The following CDH18 variants were observed in gnomAD, a reference collection of about 807,000 sequenced individuals.
CDH18 encodes cadherin 18, also known as cadherin-18.
A neutral mutation model predicts 67.9 loss-of-function variants in CDH18; 31 were observed. The observed-to-expected ratio is 0.46, with a 90% CI of 0.34 to 0.62. CDH18 has a LOEUF of 0.62. CDH18 is among the 20% of genes least tolerant of loss of function. The probability of loss-of-function intolerance (pLI) is 0.01; values close to 1 mark genes in which losing one functional copy is unlikely to be tolerated. For missense variants in CDH18, 890 were observed against 975.5 expected, an observed-to-expected ratio of 0.91 and a Z score of 1.17; for synonymous variants, 362 against 347.2, an observed-to-expected ratio of 1.04 and a Z score of -0.48.
intron 2 of CDH18, among the ~76,000 whole-genome samples, chr5:19,971,848 TAA>T (rs751140217): frequency 1.9e-5 from 2 of 107,978 alleles, no homozygotes; most frequent in Non-Finnish European, 4.0e-5. Context: ...ACTTAAACGT[TAA>T]AAAAAAAAAG....
Position 19,473,815 on chromosome 5 carries a change from A to T in CDH18, c.1883-99T>A, listed in dbSNP as rs116042060. The T allele has an allele frequency of 2.4e-3, 2,325 of 988,428 alleles. 39 individuals are homozygous for T. The African/African-American group carries it at 0.033, about 14-fold the overall frequency. 61.2% of individuals were successfully genotyped at this position (988,428 alleles called of 1,614,324 possible). ...TTTCCCATTTTCCCATTCGTCATTA[A>T]CCACATTCCAGAGTTAGGCTGGCAT... On this transcript the variant is annotated intron_variant, in intron 12 of 12. Transcript: ENST00000382275.
chr5:20,207,851 T>C (rs1271193039), intron 2 of CDH18, among the ~76,000 whole-genome samples: 2 of 152,058 alleles, frequency 1.3e-5, no homozygotes, highest in African/African-American at 4.8e-5. Context: ...AGACCCTGAA[T>C]AGTCAAAGCA....
chr5:19,495,742 AG>A (rs58251869), intron 11 of CDH18, among the ~76,000 whole-genome samples: 7,095 of 130,124 alleles, frequency 0.055, 247 homozygotes, highest in African/African-American at 0.081. Context: ...AAAAAAAAAA[AG>A]AAAGAAAGAA....
chr5:20,112,743 G>A (rs1485043291), intron 2 of CDH18, among the ~76,000 whole-genome samples: 2 of 152,042 alleles, frequency 1.3e-5, no homozygotes, highest in African/African-American at 4.8e-5. Context: ...TAAAATAAAA[G>A]TCATTCTCCA....
At chr5:19,717,792 A>G (rs1581034988) in intron 5 of CDH18, among the ~76,000 whole-genome samples, 1 of 152,016 alleles carries the variant, frequency 6.6e-6, no homozygotes, top group East Asian at 1.9e-4. Context: ...TTTCTTTAAT[A>G]ACTGTAAAAA....
chr5:20,352,203 T>C (rs1741237521), intron 1 of CDH18, among the ~76,000 whole-genome samples: 1 of 152,194 alleles, frequency 6.6e-6, no homozygotes, highest in Non-Finnish European at 1.5e-5. Context: ...CCTTTCTTCT[T>C]GCTTGTCTTC....
chr5:19,685,575 G>A (rs1760973960), intron 5 of CDH18, among the ~76,000 whole-genome samples: 1 of 152,090 alleles, frequency 6.6e-6, no homozygotes, highest in African/African-American at 2.4e-5. Flanking sequence ...CCATCTCTTT[G>A]TGCTTTGGGT....
intron 2 of CDH18, among the ~76,000 whole-genome samples, chr5:19,966,030 T>C (rs981837445): frequency 2.5e-4 from 38 of 152,142 alleles, no homozygotes; most frequent in Non-Finnish European, 3.5e-4. Context: ...AAAAAGGCTT[T>C]CAGGAGAGAA....
At chr5:19,489,393 G>A (rs942645084) in intron 11 of CDH18, among the ~76,000 whole-genome samples, 2 of 151,416 alleles carry the variant, frequency 1.3e-5, no homozygotes, top group African/African-American at 4.9e-5. Context: ...GACTACAGGC[G>A]CCCGCCACCA....
intron 5 of CDH18, among the ~76,000 whole-genome samples, chr5:19,696,039 T>A (rs1015384649): frequency 6.6e-6 from 1 of 151,844 alleles, no homozygotes; most frequent in African/African-American, 2.4e-5. Context: ...GGTAATTTTT[T>A]AAAAAACTTT....
intron 2 of CDH18, among the ~76,000 whole-genome samples, chr5:19,854,135 T>C (rs1205864374): frequency 6.6e-6 from 1 of 152,060 alleles, no homozygotes; most frequent in Non-Finnish European, 1.5e-5. Context: ...TAGGATAATT[T>C]TGGAAGGGCT....
intron 2 of CDH18, among the ~76,000 whole-genome samples, chr5:19,854,877 C>T (rs1784092547): frequency 6.6e-6 from 1 of 150,632 alleles, no homozygotes; most frequent in Admixed American, 6.7e-5. Context: ...TTATCCCCCT[C>T]CCCCCACTAT....
At position 19,472,917 on chromosome 5, in the gene CDH18, G is replaced by A; in HGVS notation, c.*309C>T. On this transcript the variant is annotated 3_prime_UTR_variant, in exon 13 of 13. Coordinates refer to ENST00000382275, the MANE Select transcript of CDH18 (RefSeq NM_004934.5). ...TGAAAAAAATAAATCACAATATATT[G>A]AAACAAATATCATTGTTTGGCTTAA... The A allele has an allele frequency of 4.4e-6, 1 of 227,934 alleles. No individual in the cohort carries two copies. The highest frequency in any genetic ancestry group is 8.7e-5 in the South Asian group (1 of 11,472). The allele number at this position is 227,934 out of a possible 1,614,324, so 14.1% of individuals were successfully genotyped here.
chr5:20,481,061 A>G (rs1421168504), intron 1 of CDH18, among the ~76,000 whole-genome samples: 2 of 152,134 alleles, frequency 1.3e-5, no homozygotes, highest in African/African-American at 4.8e-5. Context: ...TGCCAGGAAA[A>G]AAAAAGCAAG....
At chr5:20,393,497 AG>A (rs1188779885) in intron 1 of CDH18, among the ~76,000 whole-genome samples, 13 of 152,008 alleles carry the variant, frequency 8.6e-5, no homozygotes, top group African/African-American at 2.9e-4. Context: ...TTCCTGATGC[AG>A]TAACTAAGTT....
chr5:20,279,417 G>A (rs1458262122), intron 1 of CDH18, among the ~76,000 whole-genome samples: 1 of 151,916 alleles, frequency 6.6e-6, no homozygotes, highest in Non-Finnish European at 1.5e-5. Flanking sequence ...TACTATAAGA[G>A]GCTGGGCACC....
chr5:19,951,784 T>TA (rs2150266023), intron 2 of CDH18, among the ~76,000 whole-genome samples: 1 of 152,232 alleles, frequency 6.6e-6, no homozygotes. Context: ...AGCTGTTTGT[T>TA]ATCATTATTC....
At chr5:19,760,950 G>C (rs562486827) in intron 3 of CDH18, among the ~76,000 whole-genome samples, 1 of 152,254 alleles carries the variant, frequency 6.6e-6, no homozygotes, top group South Asian at 2.1e-4. Context: ...CACTACTGGG[G>C]ATGGGGAAGC....
At chr5:20,479,187 G>T (rs73764411) in intron 1 of CDH18, among the ~76,000 whole-genome samples, 8,371 of 152,098 alleles carry the variant, frequency 0.055, 764 homozygotes, top group African/African-American at 0.19. Context: ...AAAACAAATA[G>T]GTAACTATTC....
Sources: allele counts gnomAD v4.1 joint callset (sites outside exome capture counted in the v4.1 genomes callset), GRCh38; gene constraint gnomAD v4.1.1; transcripts MANE v1.5; gene names NCBI Gene and HGNC (gene_info 2026-07-23, HGNC 2026-07-21).